The following TBC1D22A variants were observed in gnomAD, a reference collection of about 807,000 sequenced individuals.
The protein encoded by TBC1D22A is TBC1 domain family member 22A, also known as putative GTPase activator.
A neutral mutation model predicts 60.2 loss-of-function variants in TBC1D22A; 38 were observed. That is an observed-to-expected ratio of 0.63 (90% CI 0.49 to 0.83). The LOEUF (loss-of-function observed/expected upper bound fraction) is 0.83, where lower values mean the gene tolerates loss of function less well. Among genes scored for constraint, TBC1D22A ranks in the 40% least tolerant of loss-of-function variants. The probability of loss-of-function intolerance (pLI) is 0.00; values close to 1 mark genes in which losing one functional copy is unlikely to be tolerated. For synonymous variants in TBC1D22A, 302 were observed against 281.7 expected (o/e 1.07, Z -0.72); for missense variants, 628 against 701.0 (o/e 0.90, Z 1.18).
At chr22:46,841,540 C>T (rs2086771140) in intron 4 of TBC1D22A, among the ~76,000 whole-genome samples, 2 of 152,216 alleles carry the variant, frequency 1.3e-5, no homozygotes, top group Admixed American at 1.3e-4. Flanking sequence ...CTGTCATTTA[C>T]AGCAACATGG....
intron 2 of TBC1D22A, among the ~76,000 whole-genome samples, chr22:46,793,056 ATGT>A (rs1365034917): frequency 1.3e-5 from 2 of 152,218 alleles, no homozygotes; most frequent in Non-Finnish European, 2.9e-5. Flanking sequence ...GGTGGGGCCG[ATGT>A]TGTGTGTTGT....
rs754052601 is a variant in TBC1D22A at position 46,792,564 on chromosome 22, T to C, written c.107T>C (p.Leu36Pro). 3.1e-6 allele frequency: 5 copies of C among 1,614,224 alleles called. No homozygotes were observed. The East Asian group carries it at 1.1e-4, about 36-fold the overall frequency. The change falls in exon 2 of 13, where the codon CTG becomes CCG. Residue 36 changes from leucine to proline, a missense_variant. Leu to Pro is a moderately conservative substitution (Grantham distance 98). Transcript: ENST00000337137. ...YGAQHPPFDP[L>P]LHGTLLRSTA... ...GCCCAGCACCCCCCCTTTGATCCAC[T>C]GTTACATGGCACGTAAGTGACGTTC... is the stretch of plus-strand genomic sequence containing the variant.
intron 12 of TBC1D22A, among the ~76,000 whole-genome samples, chr22:47,155,769 C>T (rs2067689860): frequency 6.6e-6 from 1 of 151,474 alleles, no homozygotes; most frequent in Non-Finnish European, 1.5e-5. Context: ...AGTGCCCACC[C>T]TCAGGGGCGG....
chr22:46,970,351 C>T (rs1331968457), intron 8 of TBC1D22A, among the ~76,000 whole-genome samples: 2 of 152,188 alleles, frequency 1.3e-5, no homozygotes, highest in Non-Finnish European at 2.9e-5. Flanking sequence ...CTTTCAATCG[C>T]GTTTCTTCCT....
intron 11 of TBC1D22A, among the ~76,000 whole-genome samples, chr22:47,045,239 C>T (rs4514): frequency 0.61 from 92,922 of 151,926 alleles, 28,960 homozygotes; most frequent in East Asian, 0.91. Flanking sequence ...GCTGCACACG[C>T]GGCTGTGTGT....
chr22:47,148,588 C>A (rs1423958228), intron 12 of TBC1D22A, among the ~76,000 whole-genome samples: 1 of 149,244 alleles, frequency 6.7e-6, no homozygotes, highest in Non-Finnish European at 1.5e-5. Flanking sequence ...CTCTCTTGGG[C>A]TCCTCTCCTG....
At chr22:46,984,569 G>C (rs1323158121) in intron 9 of TBC1D22A, among the ~76,000 whole-genome samples, 1 of 151,972 alleles carries the variant, frequency 6.6e-6, no homozygotes, top group Non-Finnish European at 1.5e-5. Flanking sequence ...AAGTCATACT[G>C]CTACTCTTAG....
At chr22:46,846,545 G>A (rs990736945) in intron 4 of TBC1D22A, among the ~76,000 whole-genome samples, 1 of 152,196 alleles carries the variant, frequency 6.6e-6, no homozygotes, top group Non-Finnish European at 1.5e-5. Context: ...ATTGTCATCA[G>A]GCCTGGGCCA....
intron 11 of TBC1D22A, among the ~76,000 whole-genome samples, chr22:47,076,327 A>ATGTG (rs199960303): frequency 1.1e-3 from 150 of 142,526 alleles, no homozygotes; most frequent in Non-Finnish European, 1.8e-3. Context: ...ATATATGTAT[A>ATGTG]TGTGTGTGTG....
At chr22:46,981,521 T>C (rs572065296) in intron 9 of TBC1D22A, among the ~76,000 whole-genome samples, 6 of 152,308 alleles carry the variant, frequency 3.9e-5, no homozygotes, top group East Asian at 3.9e-4. Context: ...GTGGAGCTGA[T>C]TGGATCATGG....
rs188179986 is a variant in TBC1D22A at position 46,885,930 on chromosome 22, C to T, written c.709-5336C>T. On this transcript the variant is annotated intron_variant, in intron 5 of 12. Transcript: ENST00000337137. ...AGAATTTTTTTTTTTTTTTTTGAGG[C>T]GGAGTCTCACTCTGTCGCCCAGGCT... 6.2e-3 allele frequency among the ~76,000 whole-genome samples: 835 copies of T among 135,644 alleles called. 9 individuals are homozygous for T. Among genetic ancestry groups the T allele is most frequent in the African/African-American group, 0.024 (783 of 32,588 alleles). 89.0% of individuals were successfully genotyped at this position (135,644 alleles called of 152,430 possible).
chr22:47,091,318 G>A (rs2064956061), intron 11 of TBC1D22A, among the ~76,000 whole-genome samples: 1 of 58,196 alleles, frequency 1.7e-5, no homozygotes, highest in Non-Finnish European at 3.1e-5. Context: ...GTGGCTGCGT[G>A]TTGATAGAGA....
Position 47,173,768 on chromosome 22 carries a change from A to G in TBC1D22A, c.*142A>G, listed in dbSNP as rs1303224871. On this transcript the variant is annotated 3_prime_UTR_variant, in exon 13 of 13. Transcript: ENST00000337137. Reference sequence around the variant, plus strand: ...CCACCCTCCAGGGGAGCTGGTGAAGATGGGCCACAGACCTGGTCTAGGGCT... The same window carrying G: ...CCACCCTCCAGGGGAGCTGGTGAAGGTGGGCCACAGACCTGGTCTAGGGCT... The G allele has an allele frequency of 4.6e-6, 6 of 1,303,212 alleles. No individual in the cohort carries two copies. The highest frequency in any genetic ancestry group is 6.4e-6 in the Non-Finnish European group (6 of 942,456). 80.7% of individuals were successfully genotyped at this position (1,303,212 alleles called of 1,614,324 possible). A position where few individuals can be genotyped will look rare whatever the true frequency, so the allele number is the denominator to read the frequency against.
intron 10 of TBC1D22A, among the ~76,000 whole-genome samples, chr22:47,001,302 T>C (rs758939986): frequency 1.3e-5 from 1 of 75,566 alleles, no homozygotes; most frequent in Non-Finnish European, 3.0e-5. Context: ...TTTCTTTCTT[T>C]TTTTTTTTTT....
At chr22:47,158,518 C>A (rs1194399686) in intron 12 of TBC1D22A, among the ~76,000 whole-genome samples, 2 of 152,154 alleles carry the variant, frequency 1.3e-5, no homozygotes, top group African/African-American at 4.8e-5. Context: ...CCGACAGGTT[C>A]TTCACACATG....
chr22:47,076,388 C>CATATATATATATATATAT (rs2064227148), intron 11 of TBC1D22A, among the ~76,000 whole-genome samples: 1 of 83,002 alleles, frequency 1.2e-5, no homozygotes, highest in East Asian at 4.4e-4. Flanking sequence ...TATACACACA[C>CATATATATATATATATAT]ACACACACAC....
intron 9 of TBC1D22A, among the ~76,000 whole-genome samples, chr22:46,974,845 T>TG (rs1305365204): frequency 1.3e-5 from 2 of 152,180 alleles, no homozygotes; most frequent in African/African-American, 4.8e-5. Flanking sequence ...TCCAGGTGCG[T>TG]GGGGCGCTGC....
chr22:47,058,073 G>A (rs1465049682), intron 11 of TBC1D22A, among the ~76,000 whole-genome samples: 1 of 152,186 alleles, frequency 6.6e-6, no homozygotes, highest in Non-Finnish European at 1.5e-5. Flanking sequence ...CCAAGGGACT[G>A]GCACAGCAAG....
intron 12 of TBC1D22A, among the ~76,000 whole-genome samples, chr22:47,140,125 C>G (rs1282389725): frequency 1.3e-5 from 2 of 152,034 alleles, no homozygotes; most frequent in African/African-American, 4.8e-5. Flanking sequence ...AGCCACAGAC[C>G]TAATGTTGAG....
Sources: allele counts gnomAD v4.1 joint callset (sites outside exome capture counted in the v4.1 genomes callset), GRCh38; gene constraint gnomAD v4.1.1; transcripts MANE v1.5; gene names NCBI Gene and HGNC (gene_info 2026-07-23, HGNC 2026-07-21).